The following DNAH7 variants were observed in gnomAD, a reference collection of about 807,000 sequenced individuals.
DNAH7 encodes dynein axonemal heavy chain 7, also known as axonemal beta dynein heavy chain 7.
DNAH7 carries 397 observed loss-of-function variants against 444.6 expected under a neutral mutation model. The observed-to-expected ratio is 0.89, with a 90% CI of 0.82 to 0.97. DNAH7 has a LOEUF of 0.97. Ranked by LOEUF, DNAH7 falls within the 50% of genes least tolerant of loss-of-function variation. The pLI is 0.00. For synonymous variants in DNAH7, 1,636 were observed against 1,624.4 expected (o/e 1.01, Z -0.17); for missense variants, 4,902 against 4,800.8 (o/e 1.02, Z -0.62).
chr2:195,738,145 A>C lies in DNAH7; in HGVS notation c.11869-18T>G. 1 of 1,604,544 alleles carries C rather than the reference A, an allele frequency of 6.2e-7. No individual in the cohort carries two copies. Among genetic ancestry groups the C allele is most frequent in the Non-Finnish European group, 8.5e-7 (1 of 1,171,872 alleles). On this transcript the variant is annotated intron_variant, in intron 64 of 64. Transcript: ENST00000312428. The stretch of plus-strand genomic sequence containing the variant: ...AGCCACATCTGGAAGAAAGTACATA[A>C]CACCTCTTTAAGTCAAGGCTGTTTG...
Position 195,906,612 on chromosome 2 carries a change from T to C in DNAH7, c.4335+47A>G, listed in dbSNP as rs749329350. The C allele has an allele frequency of 2.5e-6, 4 of 1,571,862 alleles. No homozygotes were observed. The South Asian group carries it at 3.5e-5, about 14-fold the overall frequency. On this transcript the variant is annotated intron_variant, in intron 27 of 64. Transcript: ENST00000312428. Reference sequence around the variant, plus strand: ...CCCAGCTCTTTTCATATATTAACTTTGTAAATTATAGAGAAGAAATAGATT... The same window carrying C: ...CCCAGCTCTTTTCATATATTAACTTCGTAAATTATAGAGAAGAAATAGATT...
At position 195,852,915 on chromosome 2, in the gene DNAH7, C is replaced by CACAG. The variant is rs1553537158; in HGVS notation, c.8781+427_8781+428insCTGT. ...GTACACACACACACACACACACACA[C>CACAG]AGAGAGAGAGAGAGAGAGAGAGAGA... is the stretch of plus-strand genomic sequence containing the variant. On this transcript the variant is annotated intron_variant, in intron 46 of 64. Transcript: ENST00000312428. Among the ~76,000 whole-genome samples the CACAG allele has an allele frequency of 1.5e-3, 129 of 84,688 alleles. 1 individual carries two copies. Among genetic ancestry groups the CACAG allele is most frequent in the South Asian group, 4.1e-3 (10 of 2,440 alleles). The allele number at this position is 84,688 out of a possible 152,430, so 55.6% of individuals were successfully genotyped here. A position where few individuals can be genotyped will look rare whatever the true frequency, so the allele number is the denominator to read the frequency against.
At chr2:195,923,396 A>T (rs1688139071) in intron 23 of DNAH7, among the ~76,000 whole-genome samples, 199 bp downstream of exon 23, 1 of 152,214 alleles carries the variant, frequency 6.6e-6, no homozygotes. Context: ...AATATAGATA[A>T]GGATACAGAT....
At chr2:196,009,166 G>A (rs1412312074) in intron 10 of DNAH7, among the ~76,000 whole-genome samples, 1 of 152,008 alleles carries the variant, frequency 6.6e-6, no homozygotes, top group African/African-American at 2.4e-5. Flanking sequence ...CTCCCACCAG[G>A]CCACACCTCC....
At chr2:195,906,000 C>T (rs1371760634) in intron 27 of DNAH7, among the ~76,000 whole-genome samples, 1 of 151,702 alleles carries the variant, frequency 6.6e-6, no homozygotes. Flanking sequence ...ACTGAATGTC[C>T]AAAAGTAAGC....
At chr2:196,042,347 T>G (rs1347183017) in intron 5 of DNAH7, among the ~76,000 whole-genome samples, 1 of 152,052 alleles carries the variant, frequency 6.6e-6, no homozygotes, top group African/African-American at 2.4e-5. Flanking sequence ...GATTTGATTG[T>G]AGACATATAT....
rs149685696 is a variant in DNAH7, at chr2:195,884,749, A to G, written c.5599T>C (p.Leu1867=). Residue 1867 remains leucine, a synonymous_variant, in exon 35 of 65, where the codon TTG becomes CTG. Transcript: ENST00000312428. ...VGASCTDDDR[L]KFNKILRELM... is the part of the protein sequence containing the mutation. ...TCTCGAAGAATCTTATTAAATTTCA[A>G]TCGATCATCATCTGTACAAGAAGCA... is the stretch of plus-strand genomic sequence containing the variant. 4.3e-6 allele frequency: 7 copies of G among 1,614,104 alleles called. No individual in the cohort carries two copies. The highest frequency in any genetic ancestry group is 5.9e-6 in the Non-Finnish European group (7 of 1,180,014).
At chr2:195,921,279 A>C (rs947582952) in intron 24 of DNAH7, among the ~76,000 whole-genome samples, 3 of 151,988 alleles carry the variant, frequency 2.0e-5, no homozygotes, top group African/African-American at 7.2e-5. Context: ...ACAGTAGCAC[A>C]ATTTGCACTT....
chr2:196,047,223 T>C (rs1208743149), intron 5 of DNAH7, 129 bp downstream of exon 5: 6 of 654,596 alleles, frequency 9.2e-6, no homozygotes, highest in African/African-American at 1.9e-5. Flanking sequence ...TCTTTATTTA[T>C]ACTCTGACCT....
chr2:195,882,174 C>G (rs1701424195), intron 35 of DNAH7, among the ~76,000 whole-genome samples, 182 bp from the exon 36 acceptor site: 1 of 152,188 alleles, frequency 6.6e-6, no homozygotes, highest in African/African-American at 2.4e-5. Context: ...TAAGGAGAAA[C>G]TAGCTTTTAC....
chr2:196,023,191 T>C (rs769251867), intron 8 of DNAH7, among the ~76,000 whole-genome samples: 18 of 152,114 alleles, frequency 1.2e-4, no homozygotes, highest in Non-Finnish European at 1.9e-4. Context: ...TGTTTAAAAG[T>C]GTGTGGCATC....
At chr2:195,801,946 C>G (rs766814816) in intron 54 of DNAH7, among the ~76,000 whole-genome samples, 1 of 151,986 alleles carries the variant, frequency 6.6e-6, no homozygotes, top group Non-Finnish European at 1.5e-5. Context: ...TATAGGTGAG[C>G]AACAACACAT....
chr2:195,754,639 T>A, intron 62 of DNAH7, 125 bp from the exon 63 acceptor site: 1 of 867,100 alleles, frequency 1.2e-6, no homozygotes, highest in Non-Finnish European at 1.7e-6. Context: ...GCCTCCCAAG[T>A]AGCTGGGAAT....
In DNAH7 at chr2:195,746,055, A is replaced by T. The variant is rs371478859; in HGVS notation, c.11765-5186T>A. On this transcript the variant is annotated intron_variant, in intron 63 of 64. Coordinates refer to ENST00000312428, the MANE Select transcript of DNAH7 (RefSeq NM_018897.3). ...CTCCAATTAAAAGACACAGACTGGC[A>T]AATTGGATAAAGAGTCAAGACCCAT... Among the ~76,000 whole-genome samples, 998 of 152,356 alleles carry T rather than the reference A, an allele frequency of 6.6e-3. 19 individuals are homozygous for T. Among genetic ancestry groups the T allele is most frequent in the Admixed American group, 0.034 (522 of 15,304 alleles).
At position 195,864,296 on chromosome 2, in the gene DNAH7, G is replaced by C. The variant is rs764888131; in HGVS notation, c.7359C>G (p.Ser2453Arg). 8 of 1,614,168 alleles carry C rather than the reference G, an allele frequency of 5.0e-6. No homozygotes were observed. In the East Asian group the frequency reaches 1.8e-4, roughly 36 times the overall value. Residue 2453 changes from serine to arginine, a missense_variant, in exon 41 of 65, where the codon AGC becomes AGG. Physicochemically the swap from Ser to Arg is moderately radical, Grantham distance 110 (BLOSUM62 -1). Transcript: ENST00000312428. ...QRDKTKQTDG[S>R]PIALFNMFID... Reference sequence around the variant, plus strand: ...TAAACATGTTGAAAAGGGCTATGGGGCTGCCATCTGTTTGCTTGGTTTTAT... The same window carrying C: ...TAAACATGTTGAAAAGGGCTATGGGCCTGCCATCTGTTTGCTTGGTTTTAT...
chr2:195,857,768 T>C (rs1699794455), intron 43 of DNAH7, 45 bp from the exon 44 acceptor site: 2 of 1,476,366 alleles, frequency 1.4e-6, no homozygotes, highest in African/African-American at 2.8e-5. Context: ...TGTTTGTTTA[T>C]ACAGTAATTG....
chr2:196,041,300 G>T lies in DNAH7; in HGVS notation c.398+6052C>A, dbSNP rs554892900. 3.3e-5 allele frequency among the ~76,000 whole-genome samples: 5 copies of T among 152,108 alleles called. No homozygotes were observed. The East Asian group carries it at 9.7e-4, about 29-fold the overall frequency. ...CAAAAATGGAGGAATCACACTACCA[G>T]ACTTCAAAATACAGTACAAAGCTAT... On this transcript the variant is annotated intron_variant, in intron 5 of 64. Transcript: ENST00000312428.
chr2:195,820,470 A>C (rs1697408998), intron 49 of DNAH7, among the ~76,000 whole-genome samples: 1 of 152,118 alleles, frequency 6.6e-6, no homozygotes, highest in African/African-American at 2.4e-5. Flanking sequence ...AATTAAAAAA[A>C]AAAAAAAGAA....
chr2:195,831,744 AAGAC>A (rs2124946127), intron 48 of DNAH7, among the ~76,000 whole-genome samples: 1 of 152,346 alleles, frequency 6.6e-6, no homozygotes, highest in Non-Finnish European at 1.5e-5. Context: ...GCACCAGACA[AAGAC>A]AGAAGACTTA....
Sources: allele counts gnomAD v4.1 joint callset (sites outside exome capture counted in the v4.1 genomes callset), GRCh38; gene constraint gnomAD v4.1.1; transcripts MANE v1.5; gene names NCBI Gene and HGNC (gene_info 2026-07-23, HGNC 2026-07-21).